EHD4: variants seen among roughly 807,000 people sequenced by gnomAD.
The protein encoded by EHD4 is EH domain-containing protein 4.
Under a neutral mutation model 51.0 loss-of-function variants are expected in EHD4, and 37 were observed. That is an observed-to-expected ratio of 0.73 (90% CI 0.56 to 0.95). The LOEUF (loss-of-function observed/expected upper bound fraction) is 0.95. Ranked by LOEUF, EHD4 falls within the 40% of genes least tolerant of loss-of-function variation. EHD4 has a pLI of 0.00. For synonymous variants in EHD4, 297 were observed against 317.3 expected (o/e 0.94, Z 0.68); for missense variants, 632 against 733.1 (o/e 0.86, Z 1.59).
intron 4 of EHD4, among the ~76,000 whole-genome samples, chr15:41,918,242 A>ACG (rs1555380420): frequency 1.7e-3 from 225 of 130,552 alleles, no homozygotes; most frequent in African/African-American, 5.7e-3. Context: ...ACACACACAC[A>ACG]CGCGCATGTT....
intron 2 of EHD4, among the ~76,000 whole-genome samples, chr15:41,948,463 ATCTTGAGGTTAAAGAATAATGGGGAAAG>A (rs937310870): frequency 2.6e-5 from 4 of 152,114 alleles, no homozygotes; most frequent in African/African-American, 9.7e-5. Flanking sequence ...TGGCCAACAA[ATCTTGAGGTTAAAGAATAATGGGGAAAG>A]CTTCAGCAAG....
At chr15:41,915,744 C>T (rs1395142075) in intron 4 of EHD4, among the ~76,000 whole-genome samples, 2 of 152,172 alleles carry the variant, frequency 1.3e-5, no homozygotes, top group African/African-American at 4.8e-5. Context: ...AAAACAGCTT[C>T]CTTTAAAGAA....
Position 41,919,361 on chromosome 15 carries a change from C to A in EHD4, c.773G>T (p.Gly258Val). The change falls in exon 4 of 6, where the codon GGC becomes GTC. Residue 258 changes from glycine to valine, a missense_variant. Physicochemically the swap from Gly to Val is moderately radical, Grantham distance 109 (BLOSUM62 -3). Coordinates refer to ENST00000220325, the MANE Select transcript of EHD4 (RefSeq NM_139265.4). Reference protein sequence around the residue: ...NTPEVLRVYIGSFWAQPLQNT... With the variant: ...NTPEVLRVYIVSFWAQPLQNT... ...CTGCAGGGGCTGCGCCCAGAAGGAG[C>A]CAATGTAGACGCGCAGTACCTCGGG... 1 of 1,614,060 alleles carries A rather than the reference C, an allele frequency of 6.2e-7. No homozygotes were observed. The highest frequency in any genetic ancestry group is 1.1e-5 in the South Asian group (1 of 91,072).
chr15:41,926,925 C>A (rs946902728), intron 3 of EHD4, among the ~76,000 whole-genome samples: 2 of 152,244 alleles, frequency 1.3e-5, no homozygotes, highest in Admixed American at 6.5e-5. Context: ...GGCCTTCCCC[C>A]ACCCAGTGGA....
chr15:41,936,810 T>TC (rs35969377), intron 3 of EHD4, among the ~76,000 whole-genome samples: 1 of 152,206 alleles, frequency 6.6e-6, no homozygotes, highest in Non-Finnish European at 1.5e-5. Flanking sequence ...GTGTGGAATT[T>TC]CCCGTGGCAC....
chr15:41,950,636 G>A (rs960023254), intron 2 of EHD4, among the ~76,000 whole-genome samples: 2 of 152,170 alleles, frequency 1.3e-5, no homozygotes, highest in Admixed American at 1.3e-4. Context: ...ACTACTTAAT[G>A]AGGCTGTTTA....
intron 1 of EHD4, among the ~76,000 whole-genome samples, chr15:41,963,499 T>C (rs1388976805): frequency 3.3e-5 from 5 of 149,784 alleles, no homozygotes; most frequent in Admixed American, 6.6e-5. Flanking sequence ...ACTTGGGAGG[T>C]TGAGGCACAA....
chr15:41,922,874 G>A (rs2067636411), intron 3 of EHD4, among the ~76,000 whole-genome samples: 1 of 152,158 alleles, frequency 6.6e-6, no homozygotes, highest in South Asian at 2.1e-4. Context: ...CAGGTAGGCA[G>A]AGCTGTGTTT....
chr15:41,927,894 C>T (rs1023486757), intron 3 of EHD4, among the ~76,000 whole-genome samples: 3 of 152,158 alleles, frequency 2.0e-5, no homozygotes, highest in South Asian at 2.1e-4. Flanking sequence ...CAAGTGAATT[C>T]ACTTGAACAA....
intron 4 of EHD4, among the ~76,000 whole-genome samples, chr15:41,917,307 G>A (rs2067591543): frequency 6.6e-6 from 1 of 152,052 alleles, no homozygotes; most frequent in South Asian, 2.1e-4. Flanking sequence ...TTTTAGTAGA[G>A]ACGGGGTTTC....
At chr15:41,951,180 T>TC (rs1199252292) in intron 2 of EHD4, among the ~76,000 whole-genome samples, 3 of 152,202 alleles carry the variant, frequency 2.0e-5, no homozygotes, top group African/African-American at 7.2e-5. Flanking sequence ...CCTTGATTCC[T>TC]CCCCCTCCAT....
chr15:41,909,933 C>A, intron 4 of EHD4, 70 bp from the exon 5 acceptor site: 2 of 1,574,996 alleles, frequency 1.3e-6, no homozygotes, highest in Non-Finnish European at 1.7e-6. Context: ...AACAAGATTG[C>A]ATCTTAACTC....
chr15:41,909,745 T>A lies in EHD4; in HGVS notation c.1043A>T (p.Glu348Val). ...GAAGTCCCCTGCAGAAATCTGGTAT[T>A]CTCGCTGTAGCTGAATGTAGATTTC... is the stretch of plus-strand genomic sequence containing the variant. ...LPEIYIQLQREYQISAGDFPE... is the reference protein window; with the variant it reads ...LPEIYIQLQRVYQISAGDFPE... Residue 348 changes from glutamate to valine, a missense_variant, in exon 5 of 6, where the codon GAA becomes GTA. Glu to Val is a moderately radical substitution (Grantham distance 121). Coordinates refer to ENST00000220325, the MANE Select transcript of EHD4 (RefSeq NM_139265.4). 2 of 1,614,196 alleles carry A rather than the reference T, an allele frequency of 1.2e-6. No individual in the cohort carries two copies. The highest frequency in any genetic ancestry group is 1.7e-6 in the Non-Finnish European group (2 of 1,180,036).
chr15:41,969,854 C>G (rs1461894616), intron 1 of EHD4, among the ~76,000 whole-genome samples: 1 of 152,314 alleles, frequency 6.6e-6, no homozygotes, highest in African/African-American at 2.4e-5. Flanking sequence ...CATGTCAGCA[C>G]AGGTTCTGTG....
In EHD4 at chr15:41,900,547, G is replaced by A; in HGVS notation, c.*98C>T. 1.6e-6 allele frequency: 2 copies of A among 1,248,360 alleles called. No individual in the cohort carries two copies. The highest frequency in any genetic ancestry group is 2.2e-6 in the Non-Finnish European group (2 of 923,130). The allele number at this position is 1,248,360 out of a possible 1,614,324, so 77.3% of individuals were successfully genotyped here. The stretch of plus-strand genomic sequence containing the variant: ...ACAGATGGGGAAACCAAGGCACAGA[G>A]AGGGCAGTGCCTTGCCCAAGGTCAT... On this transcript the variant is annotated 3_prime_UTR_variant, in exon 6 of 6. Transcript: ENST00000220325. The surrounding 1 kb of genome is among the most constrained non-coding windows in gnomAD (Gnocchi z 4.8).
chr15:41,965,981 C>T (rs973511163), intron 1 of EHD4, among the ~76,000 whole-genome samples: 4 of 147,934 alleles, frequency 2.7e-5, no homozygotes, highest in African/African-American at 7.4e-5. Flanking sequence ...CACCCAGCCC[C>T]GCCTACCCTG....
Position 41,919,609 on chromosome 15 carries a change from G to T in EHD4, c.525C>A (p.Cys175Ter), listed in dbSNP as rs1299191112. The T allele has an allele frequency of 8.6e-6, 13 of 1,513,070 alleles. No homozygotes were observed. Among genetic ancestry groups the T allele is most frequent in the African/African-American group, 2.8e-5 (2 of 71,548 alleles). The allele number at this position is 1,513,070 out of a possible 1,614,324, so 93.7% of individuals were successfully genotyped here. The change falls in exon 4 of 6, where the codon TGC (cysteine) becomes TGA (stop). Residue 175 changes from cysteine to a stop codon, truncating the protein, a stop_gained. Transcript: ENST00000220325. LOFTEE classifies it high-confidence loss of function. ...KQRISRGYDF[C>*]QVLQWFAERV... ...TCTCGGCAAACCACTGCAGGACCTG[G>T]CAGAAGTCATAGCCTGGGTGGAGAG...
At position 41,972,553 on chromosome 15, in the gene EHD4, G is replaced by C. The variant is rs761908471; in HGVS notation, c.-59C>G. The C allele has an allele frequency of 5.7e-6, 8 of 1,399,346 alleles. No individual in the cohort carries two copies. The Admixed American group carries it at 1.0e-4, about 18-fold the overall frequency. The allele number at this position is 1,399,346 out of a possible 1,614,324, so 86.7% of individuals were successfully genotyped here. A position where few individuals can be genotyped will look rare whatever the true frequency, so the allele number is the denominator to read the frequency against. ...CTCCGGGTTCGACTCTCCCCGGCTC[G>C]CACTGAGCCGCCCCGGCCGCGCTGG... On this transcript the variant is annotated 5_prime_UTR_variant, in exon 1 of 6. Coordinates refer to ENST00000220325, the MANE Select transcript of EHD4 (RefSeq NM_139265.4).
chr15:41,963,594 T>A, intron 1 of EHD4, among the ~76,000 whole-genome samples: 1 of 145,108 alleles, frequency 6.9e-6, no homozygotes. Context: ...AGTGAGAGTC[T>A]GTTTCAAAAA....
Sources: allele counts gnomAD v4.1 joint callset (sites outside exome capture counted in the v4.1 genomes callset), GRCh38; gene constraint gnomAD v4.1.1; non-coding constraint Gnocchi (gnomAD v3.1); transcripts MANE v1.5; gene names NCBI Gene and HGNC (gene_info 2026-07-23, HGNC 2026-07-21).